LIMA1: variants seen among roughly 807,000 people sequenced by gnomAD.
LIMA1 encodes the protein LIM domain and actin-binding protein 1.
LIMA1 carries 52 observed loss-of-function variants against 62.6 expected under a neutral mutation model. The ratio of observed to expected loss-of-function variants is 0.83; its 90% CI spans 0.67 to 1.05. The LOEUF (loss-of-function observed/expected upper bound fraction) is 1.05. LIMA1 is among the 50% of genes least tolerant of loss of function. The probability of loss-of-function intolerance (pLI) is 0.00; values close to 1 mark genes in which losing one functional copy is unlikely to be tolerated. For synonymous variants in LIMA1, 302 were observed against 317.8 expected (o/e 0.95, Z 0.53); for missense variants, 780 against 902.2 (o/e 0.86, Z 1.74).
At chr12:50,198,645 C>T (rs77224903) in intron 7 of LIMA1, among the ~76,000 whole-genome samples, 2,108 of 152,230 alleles carry the variant, frequency 0.014, 45 homozygotes, top group African/African-American at 0.048. Context: ...GGAAGAATGG[C>T]GTCAAGGGTG....
intron 1 of LIMA1, among the ~76,000 whole-genome samples, chr12:50,271,127 C>A (rs1281237403): frequency 6.6e-6 from 1 of 151,016 alleles, no homozygotes; most frequent in Non-Finnish European, 1.5e-5. Flanking sequence ...GACTTTGGGC[C>A]AGGTGCTGTG....
intron 4 of LIMA1, among the ~76,000 whole-genome samples, chr12:50,208,951 G>A (rs12811291): frequency 0.32 from 48,176 of 150,006 alleles, 7,962 homozygotes; most frequent in South Asian, 0.48. Flanking sequence ...AGTCAGCTTT[G>A]CAATTTATAT....
intron 9 of LIMA1, chr12:50,190,361 A>G (rs1239889202): frequency 6.7e-5 from 10 of 148,608 alleles, no homozygotes; most frequent in African/African-American, 2.0e-4. Context: ...TGTTGCTTGA[A>G]TGTCATTTTT....
intron 3 of LIMA1, among the ~76,000 whole-genome samples, chr12:50,226,115 C>T (rs539246422): frequency 5.7e-4 from 87 of 152,170 alleles, no homozygotes; most frequent in Admixed American, 1.5e-3. Context: ...GGCATGATCA[C>T]GGCTCACTGC....
At chr12:50,271,570 A>G (rs1176330956) in intron 1 of LIMA1, among the ~76,000 whole-genome samples, 1 of 152,182 alleles carries the variant, frequency 6.6e-6, no homozygotes, top group Non-Finnish European at 1.5e-5. Flanking sequence ...TTCAGTAAGT[A>G]GAAAAACAGA....
intron 9 of LIMA1, chr12:50,187,707 C>T (rs7315690): frequency 0.3 from 46,120 of 151,978 alleles, 7,308 homozygotes; most frequent in South Asian, 0.4. Context: ...CCGAGAGGGG[C>T]AGTGCAGTGT....
At chr12:50,220,609 A>G (rs1180263174) in intron 4 of LIMA1, 1 of 152,216 alleles carries the variant, frequency 6.6e-6, no homozygotes, top group Admixed American at 6.6e-5. Flanking sequence ...TGTTCCTAGC[A>G]GGGTCTGGGA....
Position 50,248,614 on chromosome 12 carries a change from G to A in LIMA1, c.119+19C>T. The A allele has an allele frequency of 6.8e-7, 1 of 1,468,420 alleles. No homozygotes were observed. Among genetic ancestry groups the A allele is most frequent in the Middle Eastern group, 1.7e-4 (1 of 5,766 alleles). 91.0% of individuals were successfully genotyped at this position (1,468,420 alleles called of 1,614,324 possible). ...GTGCTCCAGACAGATGGTCCTTTTG[G>A]ACCAGGATCAGCACTTACTTGGAGA... On this transcript the variant is annotated intron_variant, in intron 2 of 10. Coordinates refer to ENST00000341247, the MANE Select transcript of LIMA1 (RefSeq NM_016357.5).
intron 8 of LIMA1, 145 bp downstream of exon 8, chr12:50,195,685 A>G (rs1157294088): frequency 5.6e-6 from 4 of 714,016 alleles, no homozygotes; most frequent in South Asian, 2.5e-5. Flanking sequence ...AAGTGTGTAA[A>G]GGACATTCAA....
intron 2 of LIMA1, among the ~76,000 whole-genome samples, chr12:50,243,391 C>T (rs2138624701): frequency 6.6e-6 from 1 of 152,266 alleles, no homozygotes; most frequent in East Asian, 1.9e-4. Flanking sequence ...TATAAAGCCA[C>T]TAGGTGTTGG....
rs1941032183 is a variant in LIMA1, at chr12:50,200,797, T to C, written c.952A>G (p.Thr318Ala). 6.8e-6 allele frequency: 11 copies of C among 1,614,134 alleles called. No individual in the cohort carries two copies. Among genetic ancestry groups the C allele is most frequent in the Non-Finnish European group, 9.3e-6 (11 of 1,180,012 alleles). ...NVPPGPEVCI[T>A]HQEGEKISAN... Reference sequence around the variant, plus strand: ...CCTACCTTTTCCCCTTCCTGATGGGTGATGCAGACCTCAGGACCTGGGGGC... The same window carrying C: ...CCTACCTTTTCCCCTTCCTGATGGGCGATGCAGACCTCAGGACCTGGGGGC... Residue 318 changes from threonine to alanine, a missense_variant, in exon 7 of 11, where the codon ACC (threonine) becomes GCC (alanine). Physicochemically the swap from Thr to Ala is moderately conservative, Grantham distance 58. Coordinates refer to ENST00000341247, the MANE Select transcript of LIMA1 (RefSeq NM_016357.5).
At chr12:50,241,675 T>A (rs928842247) in intron 2 of LIMA1, among the ~76,000 whole-genome samples, 1 of 152,108 alleles carries the variant, frequency 6.6e-6, no homozygotes, top group African/African-American at 2.4e-5. Context: ...CTACACCACC[T>A]CTTTCTTCCA....
intron 2 of LIMA1, among the ~76,000 whole-genome samples, chr12:50,246,694 A>AT (rs1941854226): frequency 6.6e-6 from 1 of 152,100 alleles, no homozygotes; most frequent in Non-Finnish European, 1.5e-5. Context: ...CCCTAAATGA[A>AT]TTACACCAGT....
chr12:50,268,347 C>T (rs1942164548), intron 1 of LIMA1, among the ~76,000 whole-genome samples: 1 of 152,138 alleles, frequency 6.6e-6, no homozygotes, highest in Admixed American at 6.6e-5. Context: ...AAGGGTGGTA[C>T]TCTGAGTATC....
At chr12:50,204,848 G>A in intron 5 of LIMA1, 148 bp from the exon 6 acceptor site, 1 of 668,252 alleles carries the variant, frequency 1.5e-6, no homozygotes, top group Non-Finnish European at 2.5e-6. Context: ...GCCTCCCAAA[G>A]CGCTGGAATT....
At chr12:50,178,971 T>TTTTTC (rs1940424029) in intron 10 of LIMA1, among the ~76,000 whole-genome samples, 1 of 150,354 alleles carries the variant, frequency 6.7e-6, no homozygotes, top group East Asian at 1.9e-4. Flanking sequence ...TATATATTTT[T>TTTTTC]TTTTTCTTTT....
chr12:50,176,779 C>T lies in LIMA1; in HGVS notation c.*285G>A. ...TTTTGGGAATACAGTAGAATCTGGGCTATTATCAGGTGGAATATTTCCCCA... is the reference window on the plus strand; with the variant it reads ...TTTTGGGAATACAGTAGAATCTGGGTTATTATCAGGTGGAATATTTCCCCA... On this transcript the variant is annotated 3_prime_UTR_variant, in exon 11 of 11. Transcript: ENST00000341247. The T allele has an allele frequency of 3.3e-6, 1 of 301,622 alleles. No homozygotes were observed. Among genetic ancestry groups the T allele is most frequent in the Non-Finnish European group, 6.1e-6 (1 of 164,864 alleles). 18.7% of individuals were successfully genotyped at this position (301,622 alleles called of 1,614,324 possible). A position where few individuals can be genotyped will look rare whatever the true frequency, so the allele number is the denominator to read the frequency against.
intron 2 of LIMA1, among the ~76,000 whole-genome samples, chr12:50,236,788 G>A (rs1414215742): frequency 6.6e-6 from 1 of 152,064 alleles, no homozygotes; most frequent in Non-Finnish European, 1.5e-5. Flanking sequence ...CTAATATGCA[G>A]TTGGGTTGGG....
At chr12:50,238,563 G>A (rs1304337917) in intron 2 of LIMA1, among the ~76,000 whole-genome samples, 1 of 151,222 alleles carries the variant, frequency 6.6e-6, no homozygotes, top group Non-Finnish European at 1.5e-5. Flanking sequence ...GCGCATCAAA[G>A]AACACTATCA....
Sources: allele counts gnomAD v4.1 joint callset (sites outside exome capture counted in the v4.1 genomes callset), GRCh38; gene constraint gnomAD v4.1.1; transcripts MANE v1.5; gene names NCBI Gene and HGNC (gene_info 2026-07-23, HGNC 2026-07-21).